Variants in EYS observed in about 807,000 individuals in gnomAD.
EYS encodes the protein EGF-like photoreceptor maintenance factor.
EYS carries 250 observed loss-of-function variants against 282.1 expected under a neutral mutation model. The ratio of observed to expected loss-of-function variants is 0.89; its 90% CI spans 0.80 to 0.98. The LOEUF is 0.98. Ranked by LOEUF, EYS falls within the 50% of genes least tolerant of loss-of-function variation. The pLI, the probability that EYS is intolerant of heterozygous loss-of-function variation, is 0.00. For synonymous variants in EYS, 1,355 were observed against 1,282.9 expected (o/e 1.06, Z -1.20); for missense variants, 4,016 against 3,709.0 (o/e 1.08, Z -2.15).
intron 31 of EYS, among the ~76,000 whole-genome samples, chr6:64,122,997 GT>G (rs1773640912): frequency 6.6e-6 from 1 of 152,038 alleles, no homozygotes; most frequent in Non-Finnish European, 1.5e-5. Context: ...GGTACAAAGA[GT>G]TACAATATCA....
chr6:65,424,468 G>A (rs1446338296), intron 5 of EYS, among the ~76,000 whole-genome samples: 1 of 151,786 alleles, frequency 6.6e-6, no homozygotes, highest in East Asian at 1.9e-4. Flanking sequence ...CACGGCCATT[G>A]AAACCTATTT....
intron 26 of EYS, among the ~76,000 whole-genome samples, chr6:64,518,199 C>A (rs1009498471): frequency 1.3e-5 from 2 of 151,832 alleles, no homozygotes; most frequent in African/African-American, 2.4e-5. Context: ...AAACCTCTCT[C>A]TCATTCTCTA....
At chr6:65,216,526 T>C (rs1224837597) in intron 12 of EYS, among the ~76,000 whole-genome samples, 1 of 151,918 alleles carries the variant, frequency 6.6e-6, no homozygotes, top group Non-Finnish European at 1.5e-5. Context: ...TTTTGAAACA[T>C]TGTGGTGTGA....
intron 29 of EYS, among the ~76,000 whole-genome samples, chr6:64,387,173 T>C (rs585109): frequency 0.72 from 109,716 of 151,878 alleles, 39,751 homozygotes; most frequent in African/African-American, 0.79. Flanking sequence ...ATTACCTAAG[T>C]CTGTGTATAT....
chr6:63,928,558 G>A (rs995236864), intron 35 of EYS, among the ~76,000 whole-genome samples: 1 of 151,962 alleles, frequency 6.6e-6, no homozygotes, highest in Non-Finnish European at 1.5e-5. Context: ...GTGTGCGTGT[G>A]CGCATGCGTA....
intron 31 of EYS, among the ~76,000 whole-genome samples, chr6:64,162,693 T>C (rs374915493): frequency 7.9e-5 from 12 of 152,284 alleles, no homozygotes; most frequent in African/African-American, 1.9e-4. Context: ...GGTCCCCTTG[T>C]TTCTCCCAGT....
chr6:65,306,481 T>C (rs1388062617), intron 11 of EYS, among the ~76,000 whole-genome samples: 3 of 152,168 alleles, frequency 2.0e-5, no homozygotes, highest in Non-Finnish European at 4.4e-5. Context: ...TTTCTACTTA[T>C]TTCGCTTTTG....
intron 22 of EYS, among the ~76,000 whole-genome samples, chr6:64,705,096 T>C (rs903740438): frequency 6.6e-6 from 1 of 152,232 alleles, no homozygotes; most frequent in African/African-American, 2.4e-5. Flanking sequence ...TGCCTCCAAA[T>C]AGCTCCTAAA....
chr6:65,097,810 A>T (rs1774781981), intron 12 of EYS, among the ~76,000 whole-genome samples: 1 of 150,888 alleles, frequency 6.6e-6, no homozygotes, highest in East Asian at 1.9e-4. Flanking sequence ...AATAAAAAAA[A>T]AAACAAAGTA....
chr6:63,977,961 T>G (rs73762526), intron 35 of EYS, among the ~76,000 whole-genome samples: 2,131 of 152,074 alleles, frequency 0.014, 54 homozygotes, highest in African/African-American at 0.047. Flanking sequence ...ACCACTAAAT[T>G]GGATATGAGA....
At chr6:64,997,928 A>C (rs765949776) in intron 13 of EYS, among the ~76,000 whole-genome samples, 5 of 152,180 alleles carry the variant, frequency 3.3e-5, no homozygotes, top group Non-Finnish European at 7.4e-5. Context: ...AGTTGAAATA[A>C]GAACAATTAC....
intron 36 of EYS, among the ~76,000 whole-genome samples, chr6:63,839,209 C>T (rs1332316404): frequency 6.6e-6 from 1 of 152,122 alleles, no homozygotes; most frequent in Non-Finnish European, 1.5e-5. Flanking sequence ...CTTTGGCTAT[C>T]CCCCCTCTCT....
chr6:64,308,147 T>C (rs566900445), intron 29 of EYS, among the ~76,000 whole-genome samples: 9 of 152,160 alleles, frequency 5.9e-5, no homozygotes, highest in East Asian at 3.9e-4. Flanking sequence ...TTAAGAAGAA[T>C]TGCTCTTCTA....
chr6:64,154,221 A>T (rs1774838198), intron 31 of EYS, among the ~76,000 whole-genome samples: 1 of 152,170 alleles, frequency 6.6e-6, no homozygotes, highest in Non-Finnish European at 1.5e-5. Context: ...CAGGCAGATC[A>T]CAAGAGGTCA....
At chr6:64,377,283 G>A in intron 29 of EYS, among the ~76,000 whole-genome samples, 1 of 152,142 alleles carries the variant, frequency 6.6e-6, no homozygotes, top group South Asian at 2.1e-4. Flanking sequence ...AAACATATTA[G>A]GATTTTTAAA....
intron 13 of EYS, among the ~76,000 whole-genome samples, chr6:65,036,817 C>T (rs780207717): frequency 5.3e-5 from 8 of 151,876 alleles, no homozygotes; most frequent in East Asian, 1.9e-4. Flanking sequence ...TAACAGATGT[C>T]GGTGAGGTTG....
intron 2 of EYS, among the ~76,000 whole-genome samples, chr6:65,520,557 G>T (rs1026584248): frequency 6.6e-6 from 1 of 151,600 alleles, no homozygotes; most frequent in Non-Finnish European, 1.5e-5. Context: ...TTATTGCAGA[G>T]GTACAATTAT....
chr6:64,166,582 C>A (rs1369326420), intron 31 of EYS, among the ~76,000 whole-genome samples: 2 of 152,098 alleles, frequency 1.3e-5, no homozygotes, highest in African/African-American at 2.4e-5. Flanking sequence ...TCTTGTCATG[C>A]TGAAGGGATT....
chr6:64,814,604 G>C (rs1764693076), intron 21 of EYS, among the ~76,000 whole-genome samples: 1 of 151,908 alleles, frequency 6.6e-6, no homozygotes, highest in African/African-American at 2.4e-5. Flanking sequence ...TTACAGTGTG[G>C]AAAACACATG....
Sources: gnomAD v4.1 joint callset for allele counts (sites outside exome capture counted in the v4.1 genomes callset) on GRCh38, gnomAD v4.1.1 for gene constraint, MANE v1.5 for transcripts, NCBI Gene and HGNC (gene_info 2026-07-23, HGNC 2026-07-21) for gene names.